RUNX3: variants seen among roughly 807,000 people sequenced by gnomAD.
The protein encoded by RUNX3 is RUNX family transcription factor 3.
RUNX3 carries 10 observed loss-of-function variants against 27.7 expected under a neutral mutation model. The ratio of observed to expected loss-of-function variants is 0.36; its 90% CI spans 0.22 to 0.61. The LOEUF is 0.61. Among genes scored for constraint, RUNX3 ranks in the 20% least tolerant of loss-of-function variants. The pLI is 0.72. For missense variants in RUNX3, 469 were observed against 629.5 expected (o/e 0.75, Z 2.73); for synonymous variants, 270 against 269.2 (o/e 1.00, Z -0.03).
At chr1:24,930,357 A>C, upstream of RUNX3, 2 of 421,440 alleles carry the variant, frequency 4.7e-6, no homozygotes, top group Non-Finnish European at 6.4e-6. This position sits in a 1 kb window ranked among gnomAD's most constrained non-coding sequence, Gnocchi z 4.1. Flanking sequence ...CGCACAGCCA[A>C]TCGGCGGAGC....
chr1:24,951,150 G>A (rs1489832328), intron 2 of RUNX3, among the ~76,000 whole-genome samples: 1 of 139,570 alleles, frequency 7.2e-6, no homozygotes, highest in Non-Finnish European at 1.5e-5. Context: ...AGGTTGCAGT[G>A]AGCCAAGATC....
intron 2 of RUNX3, among the ~76,000 whole-genome samples, chr1:24,935,373 TC>T (rs71306254): frequency 6.6e-6 from 1 of 152,042 alleles, no homozygotes; most frequent in Non-Finnish European, 1.5e-5. Context: ...CCGAGGCCCC[TC>T]CTCCCCACCC....
upstream of RUNX3, among the ~76,000 whole-genome samples, chr1:24,932,334 G>A (rs1325088168): frequency 1.3e-5 from 2 of 151,884 alleles, no homozygotes; most frequent in African/African-American, 2.4e-5. Flanking sequence ...GCGGGGGGAG[G>A]GGGGGCGGGT....
chr1:24,907,998 T>C (rs113470029), intron 3 of RUNX3, among the ~76,000 whole-genome samples: 74,822 of 138,910 alleles, frequency 0.54, 20,747 homozygotes, highest in African/African-American at 0.75. Context: ...CGCGGTGATC[T>C]AAACCTCTAC....
In RUNX3 at chr1:24,943,272, G is replaced by A. The variant is rs538701862; in HGVS notation, c.59-13420C>T. 6.6e-6 allele frequency among the ~76,000 whole-genome samples: 1 copy of A among 152,346 alleles called. No homozygotes were observed. Among genetic ancestry groups the A allele is most frequent in the South Asian group, 2.1e-4 (1 of 4,830 alleles). On this transcript the variant is annotated intron_variant, in intron 2 of 6. Coordinates refer to the RUNX3 transcript ENST00000338888. This position sits in a 1 kb window ranked among gnomAD's most constrained non-coding sequence, Gnocchi z 4.6. ...GGAGCATGCTGGCAGCAGGGTGGAG[G>A]GGGGTGTCTGGAGACTCAGAATCCC... is the stretch of plus-strand genomic sequence containing the variant.
rs1640587779 is a variant in RUNX3, at chr1:24,902,833, G to A, written c.704-167C>T. ...GGCTGCCCGGGGCCTCCCCCGCCAGGACTCCGAACACAGACCTGCCGGGAA... is the reference window on the plus strand; with the variant it reads ...GGCTGCCCGGGGCCTCCCCCGCCAGAACTCCGAACACAGACCTGCCGGGAA... On this transcript the variant is annotated intron_variant, in intron 4 of 4. Coordinates refer to ENST00000308873, the MANE Select transcript of RUNX3 (RefSeq NM_004350.3). This position sits in a 1 kb window ranked among gnomAD's most constrained non-coding sequence, Gnocchi z 9.2. Among the ~76,000 whole-genome samples the A allele has an allele frequency of 6.6e-6, 1 of 152,146 alleles. No individual in the cohort carries two copies. The highest frequency in any genetic ancestry group is 1.5e-5 in the Non-Finnish European group (1 of 68,012).
intron 2 of RUNX3, among the ~76,000 whole-genome samples, chr1:24,941,009 C>A (rs1641463079): frequency 6.6e-6 from 1 of 152,168 alleles, no homozygotes; most frequent in African/African-American, 2.4e-5. Flanking sequence ...AGTTCCCCTG[C>A]CCCAAACCTC....
chr1:24,905,747 C>T (rs1035581939), intron 4 of RUNX3, among the ~76,000 whole-genome samples: 1 of 152,246 alleles, frequency 6.6e-6, no homozygotes, highest in Admixed American at 6.5e-5. Flanking sequence ...GAGCCCCGAT[C>T]CCCTGGCCTG....
intron 2 of RUNX3, among the ~76,000 whole-genome samples, chr1:24,940,516 C>T (rs1641451650): frequency 1.3e-5 from 2 of 152,160 alleles, no homozygotes; most frequent in Non-Finnish European, 2.9e-5. Context: ...GTTGGTCTTT[C>T]AGGTCATCCC....
chr1:24,959,123 G>A (rs910848088), intron 2 of RUNX3, among the ~76,000 whole-genome samples: 5 of 152,176 alleles, frequency 3.3e-5, no homozygotes, highest in East Asian at 3.9e-4. Flanking sequence ...TCCGTCTCCC[G>A]GCCTCCTCCC....
chr1:24,926,084 C>G (rs927801647), intron 2 of RUNX3, among the ~76,000 whole-genome samples: 1 of 152,146 alleles, frequency 6.6e-6, no homozygotes, highest in Non-Finnish European at 1.5e-5. Context: ...GCTCCCAGAT[C>G]GACAGCACCT....
At position 24,955,076 on chromosome 1, in the gene RUNX3, C is replaced by T. The variant is rs138812380; in HGVS notation, c.58+9438G>A. ...CCTTTTGTGTGATCCTTCTTCCATA[C>T]CTTTGCCCATGCTGTTCACTCTGCT... On this transcript the variant is annotated intron_variant, in intron 2 of 6. Coordinates refer to the RUNX3 transcript ENST00000338888. Among the ~76,000 whole-genome samples the T allele has an allele frequency of 2.6e-5, 4 of 152,184 alleles. 1 individual carries two copies. In the South Asian group the frequency reaches 8.3e-4, roughly 31 times the overall value.
intron 2 of RUNX3, among the ~76,000 whole-genome samples, chr1:24,942,835 G>T (rs1302474101): frequency 6.6e-6 from 1 of 152,198 alleles, no homozygotes; most frequent in Non-Finnish European, 1.5e-5. Flanking sequence ...CCTGACCCGG[G>T]CTCCCGCCTC....
chr1:24,927,466 G>A lies in RUNX3; in HGVS notation c.439+108C>T. ...CAAATTGCTGTTTTTAGACAGAGCT[G>A]CATCTGGAGACCTGTTTTTCGGGAT... On this transcript the variant is annotated intron_variant, in intron 2 of 4. Transcript: ENST00000308873. This position sits in a 1 kb window ranked among gnomAD's most constrained non-coding sequence, Gnocchi z 5.0. The A allele has an allele frequency of 1.9e-6, 2 of 1,036,928 alleles. No homozygotes were observed. Among genetic ancestry groups the A allele is most frequent in the South Asian group, 1.4e-5 (1 of 71,048 alleles). The allele number at this position is 1,036,928 out of a possible 1,614,324, so 64.2% of individuals were successfully genotyped here.
At chr1:24,942,604 C>T (rs1641504969) in intron 2 of RUNX3, among the ~76,000 whole-genome samples, 1 of 152,094 alleles carries the variant, frequency 6.6e-6, no homozygotes, top group African/African-American at 2.4e-5. Flanking sequence ...TAGGAGGGCC[C>T]ACTGCACAGT....
intron 3 of RUNX3, 86 bp from the exon 4 acceptor site, chr1:24,907,503 C>T (rs1640689962): frequency 7.1e-7 from 1 of 1,402,158 alleles, no homozygotes; most frequent in Admixed American, 2.2e-5. Flanking sequence ...GGAAGTTCTT[C>T]CTGAGGTCTG....
upstream of RUNX3, among the ~76,000 whole-genome samples, chr1:24,931,035 C>T (rs1308709381): frequency 6.6e-6 from 1 of 152,228 alleles, no homozygotes; most frequent in South Asian, 2.1e-4. Context: ...GTTGTGGCGG[C>T]CTGTGGCTCT....
intron 4 of RUNX3, among the ~76,000 whole-genome samples, chr1:24,906,446 C>A (rs867366186): frequency 6.6e-6 from 1 of 152,254 alleles, no homozygotes; most frequent in Admixed American, 6.5e-5. Context: ...GCACCCTTGG[C>A]ACCCCACTTA....
At chr1:24,925,868 G>A (rs1421533229) in intron 2 of RUNX3, among the ~76,000 whole-genome samples, 2 of 152,186 alleles carry the variant, frequency 1.3e-5, no homozygotes, top group Middle Eastern at 3.4e-3. Context: ...CCCAACCAAC[G>A]CCTTGGAAAC....
Sources: gnomAD v4.1 joint callset for allele counts (sites outside exome capture counted in the v4.1 genomes callset) on GRCh38, gnomAD v4.1.1 for gene constraint, Gnocchi (gnomAD v3.1) non-coding constraint, MANE v1.5 for transcripts, NCBI Gene and HGNC (gene_info 2026-07-23, HGNC 2026-07-21) for gene names.